Variants in ARHGAP4 observed in about 807,000 individuals in gnomAD.
The protein encoded by ARHGAP4 is rho GTPase-activating protein 4.
A neutral mutation model predicts 67.6 loss-of-function variants in ARHGAP4; 25 were observed. That is an observed-to-expected ratio of 0.37 (90% confidence interval 0.27 to 0.52). The LOEUF (loss-of-function observed/expected upper bound fraction) is 0.52, where lower values mean the gene tolerates loss of function less well. ARHGAP4 is among the 20% of genes least tolerant of loss of function. The pLI, the probability that ARHGAP4 is intolerant of heterozygous loss-of-function variation, is 0.92. For missense variants in ARHGAP4, 804 were observed against 854.6 expected (o/e 0.94, Z 0.74); for synonymous variants, 448 against 373.7 (o/e 1.20, Z -2.29).
Position 153,918,964 on chromosome X carries a change from C to A in ARHGAP4, c.900G>T (p.Gln300His), listed in dbSNP as rs1557104659. The A allele has an allele frequency of 8.2e-7, 1 of 1,212,276 alleles. No homozygotes were observed. Among genetic ancestry groups the A allele is most frequent in the Admixed American group, 2.2e-5 (1 of 46,123 alleles). The change falls in exon 7 of 22, where the codon CAG becomes CAT. Residue 300 changes from glutamine (Q) to histidine (H), a missense_variant. By Grantham distance (24) the Gln-to-His change is conservative. Coordinates refer to ENST00000350060, the MANE Select transcript of ARHGAP4 (RefSeq NM_001666.5). ...CAGCTTCTTCCAGGCTGCCCAGGCC[C>A]TGCACTTGGGAGGCTTGGGTGCGGC... ...AESRTQASQV[Q>H]GLGSLEEAVE... is the part of the protein sequence containing the mutation.
rs782789424 is a variant in ARHGAP4, at chrX:153,910,791, G to A, written c.1725C>T (p.Asp575=). 9.2e-6 allele frequency: 11 copies of A among 1,190,096 alleles called. No individual in the cohort carries two copies. The highest frequency in any genetic ancestry group is 1.1e-5 in the Non-Finnish European group (10 of 884,832). The change falls in exon 15 of 22, where the codon GAC becomes GAT. Residue 575 remains aspartate, a synonymous_variant. Coordinates refer to ENST00000350060, the MANE Select transcript of ARHGAP4 (RefSeq NM_001666.5). The part of the protein sequence containing the change: ...LVEGCTAHDL[D]SVAGVLKLYF... ...AGAGCTTCAGCACCCCGGCCACCGA[G>A]TCCAGGTCATGGGCAGTGCAGCCCT...
chrX:153,913,252 G>T lies in ARHGAP4; in HGVS notation c.1377C>A (p.Ala459=). 1 of 1,171,372 alleles carries T rather than the reference G, an allele frequency of 8.5e-7. No homozygotes were observed. Among genetic ancestry groups the T allele is most frequent in the Admixed American group, 2.6e-5 (1 of 39,051 alleles). The stretch of plus-strand genomic sequence containing the variant: ...GGGCCTCCTGCAGCTTCTCGTGCTT[G>T]GCCTGCAGCTTGGCGAGGATGCTCC... ...SGRSILAKLQ[A]KHEKLQEALQ... is the part of the protein sequence containing the mutation. The change falls in exon 10 of 22, where the codon GCC becomes GCA. Residue 459 remains alanine, a synonymous_variant. Transcript: ENST00000350060.
intron 7 of ARHGAP4, among the ~76,000 whole-genome samples, chrX:153,917,350 C>G (rs2065062407): frequency 8.9e-6 from 1 of 112,092 alleles, no homozygotes; most frequent in Admixed American, 9.4e-5. Flanking sequence ...GCGAAGTTTG[C>G]AGTGGGTCAA....
At chrX:153,916,411 C>T (rs1176293830) in intron 7 of ARHGAP4, among the ~76,000 whole-genome samples, 1 of 113,196 alleles carries the variant, frequency 8.8e-6, no homozygotes, top group East Asian at 2.8e-4. Context: ...AGGGCTCCCT[C>T]CAGCAATGGA....
chrX:153,918,658 G>A (rs782563077), intron 7 of ARHGAP4, among the ~76,000 whole-genome samples, 174 bp downstream of exon 7: 2 of 112,569 alleles, frequency 1.8e-5, no homozygotes, highest in African/African-American at 3.2e-5. Context: ...CCATTGCGGG[G>A]GTGCACCCTT....
At chrX:153,920,342 GC>G (rs202214991) in intron 5 of ARHGAP4, 6,526 of 354,337 alleles carry the variant, frequency 0.018, 71 homozygotes, top group Non-Finnish European at 0.026. Context: ...GTGTCTTCTT[GC>G]CCCCCTCTGA....
chrX:153,908,702 G>A (rs782277360), intron 21 of ARHGAP4, among the ~76,000 whole-genome samples: 1 of 108,654 alleles, frequency 9.2e-6, no homozygotes, highest in East Asian at 3.0e-4. Context: ...ACCTAGCCCA[G>A]CTACAAATGC....
At chrX:153,926,100 C>T in intron 1 of ARHGAP4, 36 bp downstream of exon 1, 3 of 1,197,619 alleles carry the variant, frequency 2.5e-6, no homozygotes, top group Non-Finnish European at 3.4e-6. Context: ...GGGTTCTCCG[C>T]AGGAAACGGG....
At chrX:153,915,565 C>T (rs1337520345) in intron 7 of ARHGAP4, among the ~76,000 whole-genome samples, 1 of 111,386 alleles carries the variant, frequency 9.0e-6, no homozygotes, top group African/African-American at 3.3e-5. Flanking sequence ...ATTACCCTGT[C>T]TCATAACCTG....
At chrX:153,918,024 T>G (rs1453402188) in intron 7 of ARHGAP4, among the ~76,000 whole-genome samples, 1 of 112,180 alleles carries the variant, frequency 8.9e-6, no homozygotes, top group African/African-American at 3.2e-5. Context: ...AATGGGCATG[T>G]TCTAGCAAGC....
intron 5 of ARHGAP4, chrX:153,920,337 T>C (rs1557104974): frequency 2.8e-6 from 1 of 355,735 alleles, no homozygotes; most frequent in African/African-American, 2.6e-5. Context: ...CCTAAGTGTC[T>C]TCTTGCCCCC....
chrX:153,921,354 G>A lies in ARHGAP4; in HGVS notation c.435+11C>T. On this transcript the variant is annotated intron_variant, in intron 3 of 21. Transcript: ENST00000350060. Reference sequence around the variant, plus strand: ...TCGAACACTTCCCGTGGCCCAGGATGAGAGCCTCACCTTCTTGACCAGGCG... The same window carrying A: ...TCGAACACTTCCCGTGGCCCAGGATAAGAGCCTCACCTTCTTGACCAGGCG... 1 of 1,210,943 alleles carries A rather than the reference G, an allele frequency of 8.3e-7. No homozygotes were observed. The highest frequency in any genetic ancestry group is 1.8e-5 in the South Asian group (1 of 56,943).
Position 153,921,456 on chromosome X carries a change from C to A in ARHGAP4, c.344G>T (p.Arg115Leu), listed in dbSNP as rs782418017. Residue 115 changes from arginine (R) to leucine (L), a missense_variant, in exon 3 of 22, where the codon CGG becomes CTG. By Grantham distance (102) the Arg-to-Leu change is moderately radical. This residue lies in a region of ARHGAP4 where 404 missense variants were observed against 505.9 expected (regional missense o/e 0.80). Coordinates refer to ENST00000350060, the MANE Select transcript of ARHGAP4 (RefSeq NM_001666.5). Reference sequence around the variant, plus strand: ...CACCTCACTCAGGGCCGCGCTCTCCCGGCTCTGCTGCCGCGTGTGCTGCAG... The same window carrying A: ...CACCTCACTCAGGGCCGCGCTCTCCAGGCTCTGCTGCCGCGTGTGCTGCAG... ...VLLQHTRQQS[R>L]ESAALSEVLA... is the part of the protein sequence containing the mutation. 1 of 1,205,262 alleles carries A rather than the reference C, an allele frequency of 8.3e-7. No homozygotes were observed.
intron 5 of ARHGAP4, chrX:153,919,776 A>C (rs1603287120): frequency 2.2e-6 from 2 of 912,023 alleles, no homozygotes; most frequent in South Asian, 4.0e-5. Context: ...TAAAACTGGC[A>C]CTCTATTTTT....
chrX:153,911,275 T>C, intron 12 of ARHGAP4, 86 bp from the exon 13 acceptor site: 1 of 646,699 alleles, frequency 1.5e-6, no homozygotes, highest in Admixed American at 4.6e-5. Context: ...TTTTTTTTTT[T>C]GAGACAAGGT....
At chrX:153,920,307 C>T (rs1055541996) in intron 5 of ARHGAP4, 5 of 289,599 alleles carry the variant, frequency 1.7e-5, no homozygotes, top group Admixed American at 5.8e-5. Context: ...TTTCTCCGTG[C>T]GTGTCACCCC....
intron 1 of ARHGAP4, among the ~76,000 whole-genome samples, chrX:153,922,639 T>G (rs1343769457): frequency 8.9e-6 from 1 of 112,228 alleles, no homozygotes; most frequent in East Asian, 2.8e-4. Context: ...AAGACACTTT[T>G]GCCATCTCCT....
In ARHGAP4 at chrX:153,910,003, C is replaced by T. The variant is rs1463279560; in HGVS notation, c.2230+9G>A. 2 of 1,209,409 alleles carry T rather than the reference C, an allele frequency of 1.7e-6. No homozygotes were observed. The highest frequency in any genetic ancestry group is 2.2e-5 in the Admixed American group (1 of 45,920). ...GGACAGGGTGGGGCTCTCTGCCCAT[C>T]GCCCTCACCATCCTCCTGTGCGGGC... On this transcript the variant is annotated intron_variant, in intron 18 of 21. Transcript: ENST00000350060.
chrX:153,909,412 G>GT, intron 20 of ARHGAP4, 31 bp downstream of exon 20: 1 of 1,043,730 alleles, frequency 9.6e-7, no homozygotes, highest in East Asian at 3.4e-5. Flanking sequence ...CAGCACACGT[G>GT]TGGCCCCCTG....
Sources: gnomAD v4.1 joint callset for allele counts (sites outside exome capture counted in the v4.1 genomes callset) on GRCh38, gnomAD v4.1.1 for gene constraint, gnomAD v4.1.1 regional missense constraint, MANE v1.5 for transcripts, NCBI Gene and HGNC (gene_info 2026-07-23, HGNC 2026-07-21) for gene names.